ERC2: variants seen among roughly 807,000 people sequenced by gnomAD.
The protein encoded by ERC2 is ERC protein 2.
Under a neutral mutation model 114.8 loss-of-function variants are expected in ERC2, and 42 were observed. That is an observed-to-expected ratio of 0.37 (90% CI 0.29 to 0.47). ERC2 has a LOEUF of 0.47. ERC2 is among the 20% of genes least tolerant of loss of function. The probability of loss-of-function intolerance (pLI) is 0.99; values close to 1 mark genes in which losing one functional copy is unlikely to be tolerated. For missense variants in ERC2, 939 were observed against 1,150.7 expected (o/e 0.82, Z 2.66); for synonymous variants, 454 against 425.5 (o/e 1.07, Z -0.82).
intron 3 of ERC2, among the ~76,000 whole-genome samples, chr3:56,180,251 C>A (rs11719428): frequency 0.29 from 43,621 of 152,038 alleles, 8,234 homozygotes; most frequent in Middle Eastern, 0.41. Context: ...GAAAGTCTAA[C>A]TAGCATGTGC....
At chr3:55,714,667 GTATATATATATATA>G (rs59969304) in intron 15 of ERC2, among the ~76,000 whole-genome samples, 1,773 of 88,396 alleles carry the variant, frequency 0.02, 33 homozygotes, top group Middle Eastern at 0.059. Context: ...GTGTGTGTGT[GTATATATATATATA>G]TATATATATA....
intron 16 of ERC2, among the ~76,000 whole-genome samples, chr3:55,685,875 T>C (rs1195651747): frequency 6.6e-6 from 1 of 152,210 alleles, no homozygotes; most frequent in African/African-American, 2.4e-5. Flanking sequence ...TCATTTCACA[T>C]TTAAAACCCA....
intron 2 of ERC2, among the ~76,000 whole-genome samples, chr3:56,376,687 C>T (rs573400084): frequency 1.2e-3 from 181 of 151,652 alleles, no homozygotes; most frequent in African/African-American, 3.4e-3. Flanking sequence ...CGCTTGAATC[C>T]GGGAGGCGGA....
chr3:56,457,743 A>T (rs868516901), intron 1 of ERC2, among the ~76,000 whole-genome samples: 1 of 151,944 alleles, frequency 6.6e-6, no homozygotes, highest in Non-Finnish European at 1.5e-5. Context: ...TGAATCTCCC[A>T]TTCTCTCGCT....
intron 17 of ERC2, among the ~76,000 whole-genome samples, chr3:55,594,362 A>G (rs2058037580): frequency 6.6e-6 from 1 of 152,192 alleles, no homozygotes; most frequent in Non-Finnish European, 1.5e-5. Context: ...AATTGCCTGA[A>G]TGAACTGGGC....
In ERC2 at chr3:56,312,717, C is replaced by T. The variant is rs2056651214; in HGVS notation, c.658-16282G>A. Among the ~76,000 whole-genome samples the T allele has an allele frequency of 2.0e-5, 3 of 150,842 alleles. No individual in the cohort carries two copies. The South Asian group carries it at 6.3e-4, about 32-fold the overall frequency. On this transcript the variant is annotated intron_variant, in intron 2 of 17. Coordinates refer to ENST00000288221, the MANE Select transcript of ERC2 (RefSeq NM_015576.3). The stretch of plus-strand genomic sequence containing the variant: ...TTTAAGCAGCATTTCTGTAGCATGT[C>T]TGTGCTCTCGGTGGAATTTTAAGTG...
chr3:55,639,790 G>A (rs1323050501), intron 17 of ERC2, among the ~76,000 whole-genome samples: 1 of 152,122 alleles, frequency 6.6e-6, no homozygotes, highest in East Asian at 1.9e-4. Flanking sequence ...GTGGGCACAC[G>A]CACATGTGCA....
chr3:55,859,173 T>C (rs1310319738), intron 14 of ERC2, among the ~76,000 whole-genome samples: 2 of 152,184 alleles, frequency 1.3e-5, no homozygotes, highest in African/African-American at 4.8e-5. Context: ...TACAGCTCTT[T>C]TGGGGTCACT....
At chr3:55,890,866 A>G (rs1317516647) in intron 13 of ERC2, among the ~76,000 whole-genome samples, 2 of 152,228 alleles carry the variant, frequency 1.3e-5, no homozygotes, top group East Asian at 1.9e-4. Context: ...CACTGGCCTC[A>G]GAACACATCC....
At chr3:55,864,290 T>TTA (rs1012082787) in intron 14 of ERC2, among the ~76,000 whole-genome samples, 1 of 149,788 alleles carries the variant, frequency 6.7e-6, no homozygotes, top group Admixed American at 6.7e-5. Context: ...TATATGTATA[T>TTA]TATATATATA....
chr3:56,317,783 G>T (rs890240158), intron 2 of ERC2, among the ~76,000 whole-genome samples: 1 of 152,168 alleles, frequency 6.6e-6, no homozygotes, highest in Non-Finnish European at 1.5e-5. Context: ...GACAGTAAGT[G>T]CTGCACAGAC....
At chr3:56,187,579 T>G (rs4974176) in intron 3 of ERC2, among the ~76,000 whole-genome samples, 16,747 of 152,254 alleles carry the variant, frequency 0.11, 1,443 homozygotes, top group African/African-American at 0.23. Context: ...ATCTACTATT[T>G]GTTAGACACT....
At chr3:55,747,307 G>A (rs539224003) in intron 14 of ERC2, among the ~76,000 whole-genome samples, 20 of 147,708 alleles carry the variant, frequency 1.4e-4, no homozygotes, top group Non-Finnish European at 2.5e-4. Context: ...TTAGGTGCCT[G>A]TTTTTTTTTT....
intron 17 of ERC2, among the ~76,000 whole-genome samples, chr3:55,585,386 G>A (rs957224699): frequency 6.6e-6 from 1 of 151,918 alleles, no homozygotes; most frequent in Non-Finnish European, 1.5e-5. Context: ...ATTTACCACC[G>A]CTGAACTGGA....
At chr3:56,174,771 A>C (rs564630252) in intron 3 of ERC2, among the ~76,000 whole-genome samples, 1 of 152,260 alleles carries the variant, frequency 6.6e-6, no homozygotes, top group East Asian at 1.9e-4. Flanking sequence ...TGAGGTCAGA[A>C]GATTGAGACC....
intron 2 of ERC2, among the ~76,000 whole-genome samples, chr3:56,404,323 C>T (rs562347557): frequency 1.5e-4 from 23 of 152,178 alleles, no homozygotes; most frequent in African/African-American, 5.5e-4. Flanking sequence ...TCTGTCTCAT[C>T]CCTAGAAATT....
chr3:55,975,051 G>A lies in ERC2; in HGVS notation c.2267+10926C>T, dbSNP rs374672986. Among the ~76,000 whole-genome samples the A allele has an allele frequency of 2.8e-4, 42 of 152,256 alleles. 2 individuals are homozygous for A. In the South Asian group the frequency reaches 3.7e-3, roughly 14 times the overall value. On this transcript the variant is annotated intron_variant, in intron 12 of 17. Transcript: ENST00000288221. ...TGTTTATGATTCTGGCCCTGGAACCGAAATGGCTAAGTTTGAATCCTGGCT... is the reference window on the plus strand; with the variant it reads ...TGTTTATGATTCTGGCCCTGGAACCAAAATGGCTAAGTTTGAATCCTGGCT...
intron 17 of ERC2, among the ~76,000 whole-genome samples, chr3:55,623,938 T>C (rs994106794): frequency 2.0e-5 from 3 of 152,230 alleles, no homozygotes; most frequent in Non-Finnish European, 4.4e-5. Flanking sequence ...AACAAGCATT[T>C]TGCATTTCTA....
intron 6 of ERC2, among the ~76,000 whole-genome samples, chr3:56,123,924 A>G (rs1405030190): frequency 1.3e-5 from 2 of 152,210 alleles, no homozygotes; most frequent in African/African-American, 2.4e-5. Context: ...GGACAAGGGT[A>G]TGTCGCCTAA....
Sources: allele counts gnomAD v4.1 joint callset (sites outside exome capture counted in the v4.1 genomes callset), GRCh38; gene constraint gnomAD v4.1.1; transcripts MANE v1.5; gene names NCBI Gene and HGNC (gene_info 2026-07-23, HGNC 2026-07-21).